Variants in LAMB2 observed in about 807,000 individuals in gnomAD.
LAMB2 encodes laminin subunit beta-2.
In LAMB2, 119 loss-of-function variants were observed where a neutral mutation model predicts 202.7. That is an observed-to-expected ratio of 0.59 (90% CI 0.51 to 0.68). The LOEUF (loss-of-function observed/expected upper bound fraction) is 0.68, where lower values mean the gene tolerates loss of function less well. LAMB2 is among the 30% of genes least tolerant of loss of function. The probability of loss-of-function intolerance (pLI) is 0.00; values close to 1 mark genes in which losing one functional copy is unlikely to be tolerated. For synonymous variants in LAMB2, 818 were observed against 902.2 expected, an observed-to-expected ratio of 0.91 and a Z score of 1.67; for missense variants, 2,124 against 2,410.6, an observed-to-expected ratio of 0.88 and a Z score of 2.49.
In LAMB2 at chr3:49,132,419, G is replaced by A. The variant is rs371403310; in HGVS notation, c.250-14C>T. ...CTTCTTTTCGTCCTGGGTTGGATGG[G>A]GATTAGAATCAGTGCCTCAGGCAGT... On this transcript the variant is annotated splice_polypyrimidine_tract_variant and intron_variant, in intron 2 of 31. Coordinates refer to ENST00000305544, the MANE Select transcript of LAMB2 (RefSeq NM_002292.4). The surrounding 1 kb of genome is among the most constrained non-coding windows in gnomAD (Gnocchi z 4.6). The A allele has an allele frequency of 3.0e-4, 484 of 1,614,208 alleles. 3 individuals carry two copies. The South Asian group carries it at 4.5e-3, about 15-fold the overall frequency.
chr3:49,123,762 T>C lies in LAMB2; in HGVS notation c.3763A>G (p.Thr1255Ala), dbSNP rs1180166011. The C allele has an allele frequency of 3.1e-6, 5 of 1,613,286 alleles. No individual in the cohort carries two copies. Among genetic ancestry groups the C allele is most frequent in the Non-Finnish European group, 4.2e-6 (5 of 1,180,040 alleles). Residue 1255 changes from threonine to alanine, a missense_variant, in exon 24 of 32, where the codon ACT becomes GCT. Around this residue, in one of 3 missense-constraint regions of LAMB2, gnomAD observed 1,702 missense variants for 1,896.3 expected, o/e 0.90. Coordinates refer to ENST00000305544, the MANE Select transcript of LAMB2 (RefSeq NM_002292.4). ...TCTGTGGCCTCCACAAGCTGTGCAG[T>C]GGAGGCGGCTGAGGTGTTGCGGGCA... Reference protein sequence around the residue: ...VGARNTSAASTAQLVEATEEL... With the variant: ...VGARNTSAASAAQLVEATEEL...
In LAMB2 at chr3:49,124,775, T is replaced by C. The variant is rs748900620; in HGVS notation, c.3035A>G (p.His1012Arg). The change falls in exon 21 of 32, where the codon CAC becomes CGC. Residue 1012 changes from histidine to arginine, a missense_variant. Physicochemically the swap from His to Arg is conservative, Grantham distance 29. Transcript: ENST00000305544. ...GGCACAGTGTGGACCCTCTGTGTGG[T>C]GTAAACAGCGCAGGCATTGCCCCGT... Reference protein sequence around the residue: ...PHTGQCLRCLHHTEGPHCAHC... With the variant: ...PHTGQCLRCLRHTEGPHCAHC... 1 of 1,614,168 alleles carries C rather than the reference T, an allele frequency of 6.2e-7. No individual in the cohort carries two copies. Among genetic ancestry groups the C allele is most frequent in the Admixed American group, 1.7e-5 (1 of 60,026 alleles).
intron 18 of LAMB2, 85 bp from the exon 19 acceptor site, chr3:49,125,569 G>T: frequency 7.2e-7 from 1 of 1,394,512 alleles, no homozygotes; most frequent in Non-Finnish European, 9.9e-7. Context: ...GGGAGTGTGA[G>T]TAGTGGGAGT....
chr3:49,124,640 T>C, intron 21 of LAMB2, 28 bp from the exon 22 acceptor site: 1 of 1,613,718 alleles, frequency 6.2e-7, no homozygotes, highest in Non-Finnish European at 8.5e-7. Flanking sequence ...AGCACAGTAG[T>C]CAAGAGGAGG....
rs772198386 is a variant in LAMB2, at chr3:49,130,421, T to G, written c.1037-2A>C. Reference sequence around the variant, plus strand: ...GGGTGTGCCCATGGCACTCACACTCTGGCAGGGGAGGAAGGGCAGGGCAAA... The same window carrying G: ...GGGTGTGCCCATGGCACTCACACTCGGGCAGGGGAGGAAGGGCAGGGCAAA... On this transcript the variant is annotated splice_acceptor_variant, in intron 8 of 31. Transcript: ENST00000305544. LOFTEE classifies it high-confidence loss of function. This position sits in a 1 kb window ranked among gnomAD's most constrained non-coding sequence, Gnocchi z 5.0. 1 of 1,613,966 alleles carries G rather than the reference T, an allele frequency of 6.2e-7. No individual in the cohort carries two copies. The highest frequency in any genetic ancestry group is 1.7e-5 in the Admixed American group (1 of 60,028).
In LAMB2 at chr3:49,124,080, C is replaced by T; in HGVS notation, c.3445G>A (p.Gly1149Arg). The T allele has an allele frequency of 6.2e-7, 1 of 1,613,990 alleles. No individual in the cohort carries two copies. The highest frequency in any genetic ancestry group is 8.5e-7 in the Non-Finnish European group (1 of 1,180,032). The change falls in exon 24 of 32, where the codon GGA becomes AGA. Residue 1149 changes from glycine (G) to arginine (R), a missense_variant. Physicochemically the swap from Gly to Arg is moderately radical, Grantham distance 125. This residue lies in a region of LAMB2 where 1,702 missense variants were observed against 1,896.3 expected (regional missense o/e 0.90). Transcript: ENST00000305544. ...QCHACDCDSRGIDTPQCHRFT... is the reference protein window; with the variant it reads ...QCHACDCDSRRIDTPQCHRFT... ...CGGTGACACTGAGGTGTATCTATTCCACGAGAGTCACAATCACAGGCTGCA... is the reference window on the plus strand; with the variant it reads ...CGGTGACACTGAGGTGTATCTATTCTACGAGAGTCACAATCACAGGCTGCA...
rs2045490156 is a variant in LAMB2, at chr3:49,132,336, G to A, written c.319C>T (p.Arg107Cys). The A allele has an allele frequency of 7.4e-6, 12 of 1,614,106 alleles. No individual in the cohort carries two copies. Among genetic ancestry groups the A allele is most frequent in the Non-Finnish European group, 1.0e-5 (12 of 1,180,044 alleles). ...FSARDNPHSHRIQNVVTSFAP... is the reference protein window; with the variant it reads ...FSARDNPHSHCIQNVVTSFAP... ...AAGCTGGTGACTACATTCTGGATGC[G>A]ATGGCTGTGTGGGTTGTCTCTAGCA... The change falls in exon 3 of 32, where the codon CGC (arginine) becomes TGC (cysteine). Residue 107 changes from arginine to cysteine, a missense_variant. Transcript: ENST00000305544. This position sits in a 1 kb window ranked among gnomAD's most constrained non-coding sequence, Gnocchi z 4.6.
At chr3:49,124,985 C>A (rs138542437) in intron 20 of LAMB2, 21 bp downstream of exon 20, 3 of 1,613,960 alleles carry the variant, frequency 1.9e-6, no homozygotes, top group Non-Finnish European at 8.5e-7. Context: ...CCTGATCCCA[C>A]GCCTGCCCCC....
chr3:49,131,244 ACCT>A lies in LAMB2; in HGVS notation c.713-95_713-93del. The A allele has an allele frequency of 6.8e-7, 1 of 1,471,204 alleles. No individual in the cohort carries two copies. The allele number at this position is 1,471,204 out of a possible 1,614,324, so 91.1% of individuals were successfully genotyped here. On this transcript the variant is annotated intron_variant, in intron 6 of 31. Coordinates refer to ENST00000305544, the MANE Select transcript of LAMB2 (RefSeq NM_002292.4). The surrounding 1 kb of genome is among the most constrained non-coding windows in gnomAD (Gnocchi z 5.0). ...TCAGCTGCCAAGGTCACCTTGAAAG[ACCT>A]CCTATACACTGCCACCCGAGCTAAA...
chr3:49,132,978 C>A lies in LAMB2; in HGVS notation c.-111G>T. ...GCCTGTGGGTCTTTGGCCTGTTTCC[C>A]TCCAGGCCCTCTGTCAGTTCCCAGG... is the stretch of plus-strand genomic sequence containing the variant. On this transcript the variant is annotated 5_prime_UTR_variant, in exon 1 of 32. In the 5' UTR this introduces an upstream ATG that the reference lacks. Transcript: ENST00000305544. This position sits in a 1 kb window ranked among gnomAD's most constrained non-coding sequence, Gnocchi z 4.6. 1 of 913,616 alleles carries A rather than the reference C, an allele frequency of 1.1e-6. No homozygotes were observed. The highest frequency in any genetic ancestry group is 1.4e-5 in the South Asian group (1 of 70,892). 56.6% of individuals were successfully genotyped at this position (913,616 alleles called of 1,614,324 possible).
Position 49,126,168 on chromosome 3 carries a change from G to GA in LAMB2, c.2152-10_2152-9insT. The GA allele has an allele frequency of 1.9e-6, 3 of 1,611,604 alleles. No individual in the cohort carries two copies. The highest frequency in any genetic ancestry group is 2.5e-6 in the Non-Finnish European group (3 of 1,179,886). On this transcript the variant is annotated splice_polypyrimidine_tract_variant and intron_variant, in intron 16 of 31. Coordinates refer to ENST00000305544, the MANE Select transcript of LAMB2 (RefSeq NM_002292.4). ...CGGGGCAGCAGCACCAGCTGAAGGAGTGAGCAAGGAAGATCGCAGTTCAGA... is the reference window on the plus strand; with the variant it reads ...CGGGGCAGCAGCACCAGCTGAAGGAGATGAGCAAGGAAGATCGCAGTTCAGA...
In LAMB2 at chr3:49,131,605, G is replaced by A. The variant is rs2045482963; in HGVS notation, c.578C>T (p.Pro193Leu). Residue 193 changes from proline to leucine, a missense_variant, in exon 5 of 32, where the codon CCC becomes CTC. Coordinates refer to ENST00000305544, the MANE Select transcript of LAMB2 (RefSeq NM_002292.4). The surrounding 1 kb of genome is among the most constrained non-coding windows in gnomAD (Gnocchi z 5.0). ...GADFPGVPLAPPRHWDDVVCE... is the reference protein window; with the variant it reads ...GADFPGVPLALPRHWDDVVCE... Reference sequence around the variant, plus strand: ...GACTACATCATCCCAGTGCCGTGGGGGTGCTAGTGGGACTCCTGGGAAGTC... The same window carrying A: ...GACTACATCATCCCAGTGCCGTGGGAGTGCTAGTGGGACTCCTGGGAAGTC... 8 of 1,613,844 alleles carry A rather than the reference G, an allele frequency of 5.0e-6. No homozygotes were observed. The highest frequency in any genetic ancestry group is 6.8e-6 in the Non-Finnish European group (8 of 1,180,036).
At position 49,122,699 on chromosome 3, in the gene LAMB2, C is replaced by T. The variant is rs372438959; in HGVS notation, c.4573+5G>A. On this transcript the variant is annotated splice_donor_5th_base_variant and intron_variant, in intron 27 of 31. Transcript: ENST00000305544. ...CACATGGCCTGGGACACGTGGGAGG[C>T]TCACGGTTGAGGAAGTCCTTCACAC... 18 of 1,612,340 alleles carry T rather than the reference C, an allele frequency of 1.1e-5. No homozygotes were observed. In the African/African-American group the frequency reaches 2.3e-4, roughly 20 times the overall value.
intron 13 of LAMB2, 24 bp downstream of exon 13, chr3:49,128,996 T>C: frequency 6.2e-7 from 1 of 1,605,286 alleles, no homozygotes; most frequent in Non-Finnish European, 8.5e-7. Flanking sequence ...CATCCAGCCC[T>C]CTGCTTAGGG....
In LAMB2 at chr3:49,130,962, A is replaced by G. The variant is rs565877727; in HGVS notation, c.903T>C (p.His301=). 1 of 1,614,002 alleles carries G rather than the reference A, an allele frequency of 6.2e-7. No homozygotes were observed. The highest frequency in any genetic ancestry group is 1.3e-5 in the African/African-American group (1 of 74,936). The change falls in exon 7 of 32, where the codon CAT becomes CAC. Residue 301 remains histidine (H), a synonymous_variant. Transcript: ENST00000305544. This position sits in a 1 kb window ranked among gnomAD's most constrained non-coding sequence, Gnocchi z 5.0. The stretch of plus-strand genomic sequence containing the variant: ...TGAAGCCCCTTACCATGCCCTCAGC[A>G]TGGGCTGGTGCCCCTGGGGCGGGTG... ...ECAPAPGAPA[H]AEGMVHGACI... is the part of the protein sequence containing the mutation.
chr3:49,128,596 G>A lies in LAMB2; in HGVS notation c.1891-11C>T, dbSNP rs778444207. The A allele has an allele frequency of 4.5e-5, 73 of 1,614,214 alleles. No individual in the cohort carries two copies. In the South Asian group the frequency reaches 4.7e-4, roughly 10 times the overall value. On this transcript the variant is annotated splice_polypyrimidine_tract_variant and intron_variant, in intron 14 of 31. Transcript: ENST00000305544. ...CCATTGCTCAGGGACCTGGGAAAAC[G>A]GGATGATGGAGGAGATGCTCCCACA... is the stretch of plus-strand genomic sequence containing the variant.
chr3:49,130,453 A>G lies in LAMB2; in HGVS notation c.1037-34T>C, dbSNP rs1327847950. On this transcript the variant is annotated intron_variant, in intron 8 of 31. Coordinates refer to ENST00000305544, the MANE Select transcript of LAMB2 (RefSeq NM_002292.4). This position sits in a 1 kb window ranked among gnomAD's most constrained non-coding sequence, Gnocchi z 5.0. ...GGAGGAAGGGCAGGGCAAAGGCCAC[A>G]TGAGGAACCAGGTCACAAGGGTAAG... is the stretch of plus-strand genomic sequence containing the variant. 1 of 1,612,362 alleles carries G rather than the reference A, an allele frequency of 6.2e-7. No individual in the cohort carries two copies. The highest frequency in any genetic ancestry group is 1.1e-5 in the South Asian group (1 of 91,042).
At chr3:49,123,398 C>T in intron 25 of LAMB2, 25 bp from the exon 26 acceptor site, 1 of 1,614,022 alleles carries the variant, frequency 6.2e-7, no homozygotes, top group Non-Finnish European at 8.5e-7. Context: ...GGCAGACAGT[C>T]AGCTGAAGAC....
rs200141829 is a variant in LAMB2, at chr3:49,131,731, G to T, written c.460-8C>A. 5 of 1,612,688 alleles carry T rather than the reference G, an allele frequency of 3.1e-6. No individual in the cohort carries two copies. Among genetic ancestry groups the T allele is most frequent in the South Asian group, 1.1e-5 (1 of 91,070 alleles). ...GGCAGCAGGGCGAAATGTCTGGGTA[G>T]GGGGGCATAGCTGATCAGCAGGCAC... On this transcript the variant is annotated splice_region_variant and splice_polypyrimidine_tract_variant and intron_variant, in intron 4 of 31. Coordinates refer to ENST00000305544, the MANE Select transcript of LAMB2 (RefSeq NM_002292.4). The surrounding 1 kb of genome is among the most constrained non-coding windows in gnomAD (Gnocchi z 5.0).
Sources: allele counts gnomAD v4.1 joint callset, GRCh38; gene constraint gnomAD v4.1.1; regional missense constraint gnomAD v4.1.1; non-coding constraint Gnocchi (gnomAD v3.1); transcripts MANE v1.5; gene names NCBI Gene and HGNC (gene_info 2026-07-23, HGNC 2026-07-21).